DSTYK: variants seen among roughly 807,000 people sequenced by gnomAD.
DSTYK encodes the protein RIP-homologous kinase.
In DSTYK, 34 loss-of-function variants were observed where a neutral mutation model predicts 98.7. The ratio of observed to expected loss-of-function variants is 0.34; its 90% CI spans 0.26 to 0.46. The LOEUF (loss-of-function observed/expected upper bound fraction) is 0.46. Ranked by LOEUF, DSTYK falls within the 20% of genes least tolerant of loss-of-function variation. DSTYK has a pLI of 1.00. For missense variants in DSTYK, 962 were observed against 1,181.7 expected (o/e 0.81, Z 2.73); for synonymous variants, 462 against 457.3 (o/e 1.01, Z -0.13).
At chr1:205,204,023 A>T (rs868771063) in intron 1 of DSTYK, among the ~76,000 whole-genome samples, 2 of 152,316 alleles carry the variant, frequency 1.3e-5, no homozygotes, top group Middle Eastern at 3.4e-3. Context: ...GGGTGCAAAG[A>T]GCCACTGTGG....
At chr1:205,203,776 C>T (rs1198604750) in intron 1 of DSTYK, among the ~76,000 whole-genome samples, 1 of 151,176 alleles carries the variant, frequency 6.6e-6, no homozygotes, top group Non-Finnish European at 1.5e-5. Flanking sequence ...ATTATCTGGG[C>T]ATGGTGGTGT....
rs1293537153 is a variant in DSTYK at position 205,161,917 on chromosome 1, T to C, written c.1818+119A>G. 8.9e-6 allele frequency: 7 copies of C among 785,830 alleles called. No homozygotes were observed. The African/African-American group carries it at 1.1e-4, about 13-fold the overall frequency. 48.7% of individuals were successfully genotyped at this position (785,830 alleles called of 1,614,324 possible). Reference sequence around the variant, plus strand: ...GTGTGTATATATATGTGTATATATATGTATACACACACAGACACACACACA... The same window carrying C: ...GTGTGTATATATATGTGTATATATACGTATACACACACAGACACACACACA... On this transcript the variant is annotated intron_variant, in intron 6 of 12. Coordinates refer to ENST00000367162, the MANE Select transcript of DSTYK (RefSeq NM_015375.3).
chr1:205,193,031 C>T (rs1307540465), intron 1 of DSTYK, among the ~76,000 whole-genome samples: 1 of 152,154 alleles, frequency 6.6e-6, no homozygotes, highest in African/African-American at 2.4e-5. Context: ...CTGATACAAT[C>T]CCTATGAAAG....
At chr1:205,160,090 GA>G (rs762031290) in intron 8 of DSTYK, 23 bp downstream of exon 8, 2 of 1,613,056 alleles carry the variant, frequency 1.2e-6, no homozygotes, top group East Asian at 4.5e-5. Flanking sequence ...CTTTCTCATA[GA>G]GATGAATGAG....
chr1:205,182,038 C>T (rs1658422306), intron 2 of DSTYK, among the ~76,000 whole-genome samples: 1 of 151,968 alleles, frequency 6.6e-6, no homozygotes, highest in African/African-American at 2.4e-5. Flanking sequence ...GCATTAATTA[C>T]TGAAAATTTT....
intron 1 of DSTYK, among the ~76,000 whole-genome samples, chr1:205,208,867 A>G (rs1659282397): frequency 6.6e-6 from 1 of 152,160 alleles, no homozygotes; most frequent in African/African-American, 2.4e-5. Context: ...CATCCCTCAA[A>G]TATACATATT....
At chr1:205,163,673 T>G (rs1391971447) in intron 4 of DSTYK, 50 bp downstream of exon 4, 1 of 1,466,186 alleles carries the variant, frequency 6.8e-7, no homozygotes, top group Admixed American at 1.9e-5. Flanking sequence ...TGTGCAGATT[T>G]TTCATGTGCT....
At chr1:205,202,085 G>A (rs1030289726) in intron 1 of DSTYK, 56 of 397,788 alleles carry the variant, frequency 1.4e-4, no homozygotes, top group Middle Eastern at 8.7e-4. Flanking sequence ...GAGGGGAAAG[G>A]GAGAAGGGGA....
chr1:205,163,202 C>T (rs555568581), intron 4 of DSTYK, among the ~76,000 whole-genome samples, 196 bp from the exon 5 acceptor site: 9 of 149,394 alleles, frequency 6.0e-5, no homozygotes, highest in African/African-American at 2.2e-4. Context: ...TCTTTATATT[C>T]ATCAACTTAT....
At chr1:205,171,042 A>G (rs1163809573) in intron 2 of DSTYK, among the ~76,000 whole-genome samples, 2 of 151,680 alleles carry the variant, frequency 1.3e-5, no homozygotes, top group African/African-American at 4.8e-5. Flanking sequence ...AAAAAAAAAA[A>G]ACCCAAAAAC....
Position 205,161,281 on chromosome 1 carries a change from G to C in DSTYK, c.1925C>G (p.Ser642Cys). 1 of 1,614,116 alleles carries C rather than the reference G, an allele frequency of 6.2e-7. No homozygotes were observed. ...ACGATGAAGCAAGACATCCTGTAAA[G>C]AACAGCTTTCCAGAGAAAGGCGGGC... is the stretch of plus-strand genomic sequence containing the variant. ...RLARLSLESCSLQDVLLHRKP... is the reference protein window; with the variant it reads ...RLARLSLESCCLQDVLLHRKP... Residue 642 changes from serine (S) to cysteine (C), a missense_variant, in exon 7 of 13, where the codon TCT (serine) becomes TGT (cysteine). Transcript: ENST00000367162.
intron 5 of DSTYK, 79 bp downstream of exon 5, chr1:205,162,842 ATC>A: frequency 9.4e-7 from 1 of 1,064,950 alleles, no homozygotes; most frequent in African/African-American, 1.6e-5. Context: ...GATCCTAGAT[ATC>A]TGTTTCCTAC....
rs1237330551 is a variant in DSTYK at position 205,147,569 on chromosome 1, C to A, written c.2779G>T (p.Asp927Tyr). ...NSEQPNRGLDDST is the reference protein window; with the variant it reads ...NSEQPNRGLDYST Reference sequence around the variant, plus strand: ...AAAGGTCTTTGCTTTCAAGTAGAATCATCTAGTCCTCTGTTTGGCTGCTCA... The same window carrying A: ...AAAGGTCTTTGCTTTCAAGTAGAATAATCTAGTCCTCTGTTTGGCTGCTCA... Residue 927 changes from aspartate to tyrosine, a missense_variant, in exon 13 of 13, where the codon GAT becomes TAT. Physicochemically the swap from Asp to Tyr is radical, Grantham distance 160 (BLOSUM62 -3). This residue lies in a region of DSTYK where 65 missense variants were observed against 63.9 expected (regional missense o/e 1.02). Transcript: ENST00000367162. 1 of 1,607,282 alleles carries A rather than the reference C, an allele frequency of 6.2e-7. No individual in the cohort carries two copies. The highest frequency in any genetic ancestry group is 1.3e-5 in the African/African-American group (1 of 74,950).
In DSTYK at chr1:205,143,433, T is replaced by C. The variant is rs1657132009; in HGVS notation, c.*4125A>G. On this transcript the variant is annotated 3_prime_UTR_variant, in exon 13 of 13. Transcript: ENST00000367162. ...CAGAAAATCCAAAAGCTTTGGAAATTCCAGGAAAGCAACTACTCTTTTGGC... is the reference window on the plus strand; with the variant it reads ...CAGAAAATCCAAAAGCTTTGGAAATCCCAGGAAAGCAACTACTCTTTTGGC... The C allele has an allele frequency of 6.6e-6, 1 of 152,128 alleles. No individual in the cohort carries two copies. Among genetic ancestry groups the C allele is most frequent in the African/African-American group, 2.4e-5 (1 of 41,408 alleles). 9.4% of individuals were successfully genotyped at this position (152,128 alleles called of 1,614,324 possible). A position where few individuals can be genotyped will look rare whatever the true frequency, so the allele number is the denominator to read the frequency against.
intron 1 of DSTYK, among the ~76,000 whole-genome samples, chr1:205,197,314 A>G (rs1658897456): frequency 6.6e-6 from 1 of 152,074 alleles, no homozygotes; most frequent in East Asian, 1.9e-4. Flanking sequence ...AGGAGATGAG[A>G]AAACCTAACT....
intron 2 of DSTYK, chr1:205,173,311 T>C (rs1259417036): frequency 6.7e-6 from 1 of 149,962 alleles, no homozygotes; most frequent in Admixed American, 6.7e-5. Flanking sequence ...GGAGAATTGC[T>C]TGAACCGAGG....
At chr1:205,205,737 G>A (rs1659180142) in intron 1 of DSTYK, among the ~76,000 whole-genome samples, 1 of 151,986 alleles carries the variant, frequency 6.6e-6, no homozygotes, top group Non-Finnish European at 1.5e-5. Context: ...GAGCCACCGC[G>A]CCCAGCCGAA....
chr1:205,163,882 T>A lies in DSTYK; in HGVS notation c.1398A>T (p.Glu466Asp). 1.2e-6 allele frequency: 2 copies of A among 1,614,042 alleles called. No individual in the cohort carries two copies. The highest frequency in any genetic ancestry group is 3.3e-5 in the Admixed American group (2 of 59,986). The stretch of plus-strand genomic sequence containing the variant: ...CCTGATTAAGTCGGGAGATGATGAG[T>A]TCCTGGATCTGTCGGATGCAGCATT... ...EIKCCIRQIQ[E>D]LIISRLNQAV... The change falls in exon 4 of 13, where the codon GAA becomes GAT. Residue 466 changes from glutamate to aspartate, a missense_variant. Glu to Asp is a conservative substitution (Grantham distance 45). This residue lies in a region of DSTYK where 660 missense variants were observed against 855.0 expected (regional missense o/e 0.77). Coordinates refer to ENST00000367162, the MANE Select transcript of DSTYK (RefSeq NM_015375.3).
At chr1:205,155,435 G>A (rs1157316156) in intron 10 of DSTYK, among the ~76,000 whole-genome samples, 6 of 151,820 alleles carry the variant, frequency 4.0e-5, no homozygotes, top group East Asian at 3.9e-4. Flanking sequence ...TTGGGAGGCC[G>A]AGGTGGGCGG....
Sources: gnomAD v4.1 joint callset for allele counts (sites outside exome capture counted in the v4.1 genomes callset) on GRCh38, gnomAD v4.1.1 for gene constraint, gnomAD v4.1.1 regional missense constraint, MANE v1.5 for transcripts, NCBI Gene and HGNC (gene_info 2026-07-23, HGNC 2026-07-21) for gene names.